Variants in EYS observed in about 807,000 individuals in gnomAD.
The protein encoded by EYS is EGF-like photoreceptor maintenance factor.
A neutral mutation model predicts 282.1 loss-of-function variants in EYS; 250 were observed. The ratio of observed to expected loss-of-function variants is 0.89; its 90% CI spans 0.80 to 0.98. EYS has a LOEUF of 0.98. EYS is among the 50% of genes least tolerant of loss of function. EYS has a pLI of 0.00. For missense variants in EYS, 4,016 were observed against 3,709.0 expected (o/e 1.08, Z -2.15); for synonymous variants, 1,355 against 1,282.9 (o/e 1.06, Z -1.20).
At chr6:65,231,117 A>ATGTATATATACTTT (rs1255422867) in intron 12 of EYS, among the ~76,000 whole-genome samples, 1 of 128,838 alleles carries the variant, frequency 7.8e-6, no homozygotes, top group Non-Finnish European at 1.6e-5. Context: ...ATATGTATTT[A>ATGTATATATACTTT]TATATATATA....
At chr6:64,820,927 A>G (rs949748682) in intron 21 of EYS, among the ~76,000 whole-genome samples, 1 of 152,096 alleles carries the variant, frequency 6.6e-6, no homozygotes, top group Non-Finnish European at 1.5e-5. Flanking sequence ...CAAAGAATGT[A>G]ATAAAATACC....
chr6:64,703,000 C>A (rs890458465), intron 22 of EYS, among the ~76,000 whole-genome samples: 1 of 151,846 alleles, frequency 6.6e-6, no homozygotes. Flanking sequence ...TGTTAAATAA[C>A]AATGTGATTA....
intron 22 of EYS, among the ~76,000 whole-genome samples, chr6:64,734,274 A>C (rs1233090025): frequency 6.6e-6 from 1 of 152,138 alleles, no homozygotes; most frequent in East Asian, 1.9e-4. Flanking sequence ...TCTAAGAAAC[A>C]TTCCTTTTAT....
At chr6:64,371,807 A>C (rs1772383107) in intron 29 of EYS, among the ~76,000 whole-genome samples, 1 of 152,058 alleles carries the variant, frequency 6.6e-6, no homozygotes, top group Admixed American at 6.6e-5. Flanking sequence ...TTGGTTTAAA[A>C]TCTGTGTTGT....
At chr6:64,893,775 A>T (rs1562246552) in intron 18 of EYS, among the ~76,000 whole-genome samples, 1 of 152,022 alleles carries the variant, frequency 6.6e-6, no homozygotes, top group East Asian at 1.9e-4. Context: ...AGGAAAACAC[A>T]CAAAACATAT....
intron 40 of EYS, among the ~76,000 whole-genome samples, chr6:63,772,971 G>A (rs1195684714): frequency 6.6e-6 from 1 of 151,516 alleles, no homozygotes; most frequent in African/African-American, 2.4e-5. Flanking sequence ...TTTCTTACAT[G>A]TTTCTTTACC....
intron 41 of EYS, among the ~76,000 whole-genome samples, chr6:63,758,530 T>A (rs1463763837): frequency 6.6e-6 from 1 of 152,066 alleles, no homozygotes; most frequent in Non-Finnish European, 1.5e-5. Context: ...CTCTTTATTT[T>A]ATTGATTCCT....
rs1022626403 is a variant in EYS, at chr6:64,399,243, T to G, written c.5928-10403A>C. On this transcript the variant is annotated intron_variant, in intron 28 of 42. Transcript: ENST00000503581. ...TATATGAACTCTATGTTTTCTTTCC[T>G]TACTATACAAGCAATATAAGCTCAT... Among the ~76,000 whole-genome samples, 7 of 151,710 alleles carry G rather than the reference T, an allele frequency of 4.6e-5. No homozygotes were observed. The South Asian group carries it at 8.3e-4, about 18-fold the overall frequency.
chr6:64,091,271 T>A (rs112070318), intron 31 of EYS, among the ~76,000 whole-genome samples: 5,060 of 152,242 alleles, frequency 0.033, 291 homozygotes, highest in African/African-American at 0.11. Context: ...TTCAGACACA[T>A]TGCCGTTGAT....
At chr6:64,370,899 G>C (rs1190458108) in intron 29 of EYS, among the ~76,000 whole-genome samples, 1 of 151,700 alleles carries the variant, frequency 6.6e-6, no homozygotes, top group African/African-American at 2.4e-5. Flanking sequence ...CGTTTATTTG[G>C]ATCTTCTGTT....
chr6:64,620,661 G>A (rs1479186430), intron 23 of EYS, among the ~76,000 whole-genome samples: 2 of 152,084 alleles, frequency 1.3e-5, no homozygotes, highest in African/African-American at 4.8e-5. Context: ...GGTAAGAAAT[G>A]AGACCAGAAT....
intron 14 of EYS, among the ~76,000 whole-genome samples, chr6:64,958,264 C>G (rs1769778559): frequency 2.6e-5 from 4 of 152,034 alleles, no homozygotes; most frequent in Admixed American, 2.6e-4. Flanking sequence ...GGCCTCTAAT[C>G]CTAGTTGTTC....
chr6:63,869,006 T>C (rs544588761), intron 35 of EYS, among the ~76,000 whole-genome samples: 1 of 152,176 alleles, frequency 6.6e-6, no homozygotes, highest in South Asian at 2.1e-4. Flanking sequence ...ATGAAAATAA[T>C]GGGAAAAAAA....
chr6:65,079,340 A>C (rs544891102), intron 12 of EYS, among the ~76,000 whole-genome samples: 1 of 152,198 alleles, frequency 6.6e-6, no homozygotes, highest in African/African-American at 2.4e-5. Context: ...CTTTAATTTA[A>C]ATTTAAAAAC....
intron 12 of EYS, among the ~76,000 whole-genome samples, chr6:65,070,534 TG>T (rs1773872987): frequency 6.6e-6 from 1 of 151,858 alleles, no homozygotes. Context: ...AATTTTTTTT[TG>T]TTTGTGGGTA....
At chr6:65,165,666 A>G (rs1349398913) in intron 12 of EYS, among the ~76,000 whole-genome samples, 1 of 151,190 alleles carries the variant, frequency 6.6e-6, no homozygotes, top group Non-Finnish European at 1.5e-5. Context: ...ATGGTGAAAG[A>G]CTGAAGTTCT....
At chr6:65,177,531 T>C (rs1186033670) in intron 12 of EYS, among the ~76,000 whole-genome samples, 1 of 151,884 alleles carries the variant, frequency 6.6e-6, no homozygotes, top group Non-Finnish European at 1.5e-5. Flanking sequence ...TTATGCTATA[T>C]ATATTCTTTT....
intron 28 of EYS, among the ~76,000 whole-genome samples, chr6:64,403,827 A>G (rs572710070): frequency 6.6e-6 from 1 of 152,310 alleles, no homozygotes; most frequent in East Asian, 1.9e-4. Context: ...GCTTATGTAG[A>G]GAAATAAAGG....
At chr6:65,087,595 A>G (rs1022293489) in intron 12 of EYS, among the ~76,000 whole-genome samples, 3 of 152,126 alleles carry the variant, frequency 2.0e-5, no homozygotes, top group African/African-American at 7.2e-5. Flanking sequence ...GTCAACACTC[A>G]TAGCAGTTGA....
Sources: allele counts gnomAD v4.1 joint callset (sites outside exome capture counted in the v4.1 genomes callset), GRCh38; gene constraint gnomAD v4.1.1; transcripts MANE v1.5; gene names NCBI Gene and HGNC (gene_info 2026-07-23, HGNC 2026-07-21).